Variants in HSD17B12 observed in about 807,000 individuals in gnomAD.
The protein encoded by HSD17B12 is very-long-chain 3-oxoacyl-CoA reductase.
HSD17B12 carries 32 observed loss-of-function variants against 39.3 expected under a neutral mutation model. The observed-to-expected ratio is 0.81, with a 90% confidence interval of 0.61 to 1.09. HSD17B12 has a LOEUF of 1.09. Ranked by LOEUF, HSD17B12 falls within the 50% of genes least tolerant of loss-of-function variation. The probability of loss-of-function intolerance (pLI) is 0.00; values close to 1 mark genes in which losing one functional copy is unlikely to be tolerated. For synonymous variants in HSD17B12, 150 were observed against 146.7 expected (o/e 1.02, Z -0.16); for missense variants, 342 against 382.9 (o/e 0.89, Z 0.89).
Position 43,838,391 on chromosome 11 carries a change from C to T in HSD17B12, c.611C>T (p.Ala204Val), listed in dbSNP as rs1408869697. The T allele has an allele frequency of 6.2e-7, 1 of 1,608,966 alleles. No homozygotes were observed. ...LPVPLLTIYSATKTFVDFFSQ... is the reference protein window; with the variant it reads ...LPVPLLTIYSVTKTFVDFFSQ... ...GTCCCACTCTTGACCATCTATTCTG[C>T]AACCAAGGTAAAAAATATTTTCTTA... Residue 204 changes from alanine to valine, a missense_variant, in exon 8 of 11, where the codon GCA becomes GTA. Coordinates refer to ENST00000278353, the MANE Select transcript of HSD17B12 (RefSeq NM_016142.3).
chr11:43,608,440 A>T, the HSD17B12 span, among the ~76,000 whole-genome samples: 1 of 152,132 alleles, frequency 6.6e-6, no homozygotes, highest in Non-Finnish European at 1.5e-5. Flanking sequence ...AAAACTAGAA[A>T]GTACACTTAA....
chr11:43,611,887 A>G, the HSD17B12 span, among the ~76,000 whole-genome samples: 4 of 152,326 alleles, frequency 2.6e-5, no homozygotes, highest in Admixed American at 2.6e-4. Context: ...CCCCAAGGTC[A>G]CTGAGCTGGT....
the HSD17B12 span, among the ~76,000 whole-genome samples, chr11:43,590,506 A>ATTTTTATTTTTTTTT: frequency 1.9e-5 from 1 of 51,610 alleles, no homozygotes; most frequent in African/African-American, 7.0e-5. Flanking sequence ...GGAGTGAGTG[A>ATTTTTATTTTTTTTT]TTTTTTTTTT....
At chr11:43,723,777 C>T (rs1014784312) in intron 1 of HSD17B12, among the ~76,000 whole-genome samples, 6 of 152,238 alleles carry the variant, frequency 3.9e-5, no homozygotes, top group East Asian at 1.9e-4. Context: ...AGGTCTGCAG[C>T]GCAGTGGTTT....
upstream of HSD17B12, chr11:43,680,595 T>A (rs1949731776): frequency 1.2e-5 from 6 of 511,876 alleles, no homozygotes. Context: ...ATGGGAGGAG[T>A]GTGGGAGGGG....
intron 9 of HSD17B12, among the ~76,000 whole-genome samples, chr11:43,851,464 T>C (rs1198775304): frequency 6.6e-6 from 1 of 152,246 alleles, no homozygotes; most frequent in African/African-American, 2.4e-5. Context: ...GATATTTCTT[T>C]ACTTTCATAT....
chr11:43,654,111 A>G, the HSD17B12 span, among the ~76,000 whole-genome samples: 2 of 151,846 alleles, frequency 1.3e-5, no homozygotes, highest in Non-Finnish European at 2.9e-5. Context: ...ATGGTATCTC[A>G]TTGTGGTTTT....
At chr11:43,710,375 G>GAAA (rs1950053747) in intron 1 of HSD17B12, among the ~76,000 whole-genome samples, 1 of 152,142 alleles carries the variant, frequency 6.6e-6, no homozygotes, top group African/African-American at 2.4e-5. Context: ...ATCCTTGCAT[G>GAAA]GTAGACTTTC....
At position 43,710,800 on chromosome 11, in the gene HSD17B12, C is replaced by T. The variant is rs976379773; in HGVS notation, c.160+29813C>T. Among the ~76,000 whole-genome samples the T allele has an allele frequency of 1.1e-4, 16 of 152,058 alleles. No individual in the cohort carries two copies. The East Asian group carries it at 1.5e-3, about 15-fold the overall frequency. On this transcript the variant is annotated intron_variant, in intron 1 of 10. Transcript: ENST00000278353. ...AAATACTTAGTTGTCAGTATTTTTT[C>T]GTTTTTTTGAGATGGAGTCTTGCTC... is the stretch of plus-strand genomic sequence containing the variant.
At chr11:43,630,418 TTTG>T in the HSD17B12 span, among the ~76,000 whole-genome samples, 2 of 152,188 alleles carry the variant, frequency 1.3e-5, no homozygotes, top group Non-Finnish European at 2.9e-5. Context: ...AGGGTGCCCT[TTTG>T]TTTTCTGTTT....
the HSD17B12 span, among the ~76,000 whole-genome samples, chr11:43,605,789 T>A: frequency 6.6e-6 from 1 of 152,206 alleles, no homozygotes; most frequent in Non-Finnish European, 1.5e-5. Context: ...TCATTATAAG[T>A]AAAAATTTCA....
At chr11:43,642,946 C>T in the HSD17B12 span, among the ~76,000 whole-genome samples, 1 of 151,770 alleles carries the variant, frequency 6.6e-6, no homozygotes, top group Non-Finnish European at 1.5e-5. Context: ...AATATAATTT[C>T]GTAGAGTCTT....
intron 1 of HSD17B12, among the ~76,000 whole-genome samples, chr11:43,692,147 A>G (rs888837230): frequency 6.6e-6 from 1 of 152,218 alleles, no homozygotes; most frequent in African/African-American, 2.4e-5. Context: ...GTGTATTTGC[A>G]CTATAATATT....
intron 1 of HSD17B12, chr11:43,734,095 A>G: frequency 3.6e-6 from 4 of 1,107,000 alleles, no homozygotes; most frequent in Admixed American, 3.5e-5. Flanking sequence ...GGAGAGGACT[A>G]TGATGAGCGT....
chr11:43,840,178 A>G (rs1307522871), intron 9 of HSD17B12, 114 bp downstream of exon 9: 2 of 740,346 alleles, frequency 2.7e-6, no homozygotes, highest in Non-Finnish European at 4.5e-6. Context: ...TGAATGTGAC[A>G]TTAGCACACC....
intron 1 of HSD17B12, among the ~76,000 whole-genome samples, chr11:43,702,615 A>G (rs1372229292): frequency 1.3e-5 from 2 of 152,146 alleles, no homozygotes; most frequent in African/African-American, 4.8e-5. Context: ...GATATGATGT[A>G]TCGCATTCAT....
chr11:43,605,327 C>G, the HSD17B12 span, among the ~76,000 whole-genome samples: 1 of 151,860 alleles, frequency 6.6e-6, no homozygotes, highest in African/African-American at 2.4e-5. Flanking sequence ...TTTGGGAGGC[C>G]GAGGTGGGTG....
rs1042678896 is a variant in HSD17B12, at chr11:43,799,835, G to A, written c.391+1408G>A. Among the ~76,000 whole-genome samples, 7 of 152,026 alleles carry A rather than the reference G, an allele frequency of 4.6e-5. No individual in the cohort carries two copies. The East Asian group carries it at 1.2e-3, about 25-fold the overall frequency. On this transcript the variant is annotated intron_variant, in intron 4 of 10. Coordinates refer to ENST00000278353, the MANE Select transcript of HSD17B12 (RefSeq NM_016142.3). Reference sequence around the variant, plus strand: ...GTTAAAAATCAGTTAAACAAGTATAGCCCTGCATAGTACTGTTGCACCTGG... The same window carrying A: ...GTTAAAAATCAGTTAAACAAGTATAACCCTGCATAGTACTGTTGCACCTGG...
chr11:43,813,355 T>G (rs1355634975), intron 4 of HSD17B12, among the ~76,000 whole-genome samples: 1 of 152,208 alleles, frequency 6.6e-6, no homozygotes, highest in Non-Finnish European at 1.5e-5. Flanking sequence ...CTTTGCATTT[T>G]GAAATATAGC....
Sources: allele counts gnomAD v4.1 joint callset (sites outside exome capture counted in the v4.1 genomes callset), GRCh38; gene constraint gnomAD v4.1.1; transcripts MANE v1.5; gene names NCBI Gene and HGNC (gene_info 2026-07-23, HGNC 2026-07-21).